Variants in ZC3H4 observed in about 807,000 individuals in gnomAD.
ZC3H4 encodes the protein zinc finger CCCH-type containing 4, also known as zinc finger CCCH domain-containing protein 4.
ZC3H4 carries 13 observed loss-of-function variants against 108.3 expected under a neutral mutation model. The observed-to-expected ratio is 0.12, with a 90% CI of 0.08 to 0.19. The LOEUF (loss-of-function observed/expected upper bound fraction) is 0.19, where lower values mean the gene tolerates loss of function less well. ZC3H4 is among the 10% of genes least tolerant of loss of function. The pLI is 1.00. For synonymous variants in ZC3H4, 917 were observed against 749.6 expected, an observed-to-expected ratio of 1.22 and a Z score of -3.65; for missense variants, 1,734 against 1,838.8, an observed-to-expected ratio of 0.94 and a Z score of 1.04.
Position 47,081,524 on chromosome 19 carries a change from G to A in ZC3H4, c.1429C>T (p.Leu477Phe). The change falls in exon 11 of 15, where the codon CTC (leucine) becomes TTC (phenylalanine). Residue 477 changes from leucine (L) to phenylalanine (F), a missense_variant. Leu to Phe is a conservative substitution (Grantham distance 22). Transcript: ENST00000253048. ...CCCCCGGACATTACCTTATCCAAGAGCTCCCTCGTCTCTTCGGTCAGAGGG... is the reference window on the plus strand; with the variant it reads ...CCCCCGGACATTACCTTATCCAAGAACTCCCTCGTCTCTTCGGTCAGAGGG... The part of the protein sequence containing the change: ...HDPLTEETRE[L>F]LDKMLADDAE... 1 of 1,614,156 alleles carries A rather than the reference G, an allele frequency of 6.2e-7. No homozygotes were observed. Among genetic ancestry groups the A allele is most frequent in the Non-Finnish European group, 8.5e-7 (1 of 1,179,992 alleles).
At chr19:47,094,309 G>A (rs1600088294) in intron 3 of ZC3H4, 80 bp downstream of exon 3, 3 of 1,501,724 alleles carry the variant, frequency 2.0e-6, no homozygotes, top group Non-Finnish European at 2.8e-6. Flanking sequence ...CTCTGGGGTG[G>A]ACAGCAAAAG....
At chr19:47,083,015 C>T (rs2057550973) in intron 9 of ZC3H4, among the ~76,000 whole-genome samples, 2 of 152,136 alleles carry the variant, frequency 1.3e-5, no homozygotes, top group Admixed American at 1.3e-4. Flanking sequence ...GATCTGTCCC[C>T]CTTTTACGAA....
intron 4 of ZC3H4, among the ~76,000 whole-genome samples, chr19:47,091,054 C>T (rs1348298281): frequency 6.6e-6 from 1 of 151,484 alleles, no homozygotes; most frequent in Admixed American, 6.6e-5. Flanking sequence ...ATCACAAGGT[C>T]AGGAGATGCA....
chr19:47,086,448 C>T lies in ZC3H4; in HGVS notation c.806G>A (p.Gly269Asp), dbSNP rs2057625183. 1 of 1,612,858 alleles carries T rather than the reference C, an allele frequency of 6.2e-7. No individual in the cohort carries two copies. Among genetic ancestry groups the T allele is most frequent in the Non-Finnish European group, 8.5e-7 (1 of 1,179,798 alleles). Residue 269 changes from glycine to aspartate, a missense_variant, in exon 6 of 15, where the codon GGC becomes GAC. Gly to Asp is a moderately conservative substitution (Grantham distance 94). Coordinates refer to ENST00000253048, the MANE Select transcript of ZC3H4 (RefSeq NM_015168.2). ...RGMGRGSRGR[G>D]RGSMGGDHPE... ...GTGGTCTCCTCCCATAGAGCCTCTG[C>T]CCCTGCCTCGGCTGCCCCTGCCCAT...
intron 5 of ZC3H4, 143 bp downstream of exon 5, chr19:47,089,824 A>T: frequency 1.2e-6 from 1 of 831,418 alleles, no homozygotes; most frequent in Non-Finnish European, 1.9e-6. Flanking sequence ...CTCCTGTGCC[A>T]TGCACATGCA....
intron 5 of ZC3H4, among the ~76,000 whole-genome samples, chr19:47,087,394 G>T (rs2057650124): frequency 6.6e-6 from 1 of 151,176 alleles, no homozygotes; most frequent in Non-Finnish European, 1.5e-5. Context: ...GTTGAAAACA[G>T]ATTATCAAAA....
intron 5 of ZC3H4, 113 bp downstream of exon 5, chr19:47,089,826 GCACATGCAGAGCCTGGCCCTTCTTTGTA>G: frequency 1.2e-6 from 1 of 839,638 alleles, no homozygotes; most frequent in Non-Finnish European, 1.9e-6. Context: ...CCTGTGCCAT[GCACATGCAGAGCCTGGCCCTTCTTTGTA>G]CACTTATCCC....
intron 2 of ZC3H4, among the ~76,000 whole-genome samples, chr19:47,105,107 G>A (rs1260915067): frequency 1.3e-5 from 2 of 152,114 alleles, no homozygotes; most frequent in South Asian, 2.1e-4. Context: ...CCTCTCGAGG[G>A]CCAACTTTAA....
intron 14 of ZC3H4, 145 bp downstream of exon 14, chr19:47,068,947 G>T: frequency 6.7e-7 from 1 of 1,502,962 alleles, no homozygotes; most frequent in Non-Finnish European, 8.8e-7. Context: ...AGCAGCCCCA[G>T]CCCGGCTTCA....
intron 2 of ZC3H4, among the ~76,000 whole-genome samples, chr19:47,109,793 C>G (rs2058014693): frequency 6.6e-6 from 1 of 152,138 alleles, no homozygotes; most frequent in Admixed American, 6.5e-5. Flanking sequence ...CCAGGGTTCT[C>G]TAAGTATGTC....
chr19:47,073,755 C>G (rs996826305), intron 11 of ZC3H4, among the ~76,000 whole-genome samples: 1 of 152,258 alleles, frequency 6.6e-6, no homozygotes, highest in Non-Finnish European at 1.5e-5. Context: ...TGCTTTCCGT[C>G]TCTGCGGACC....
rs546975609 is a variant in ZC3H4 at position 47,067,209 on chromosome 19, G to A, written c.3059C>T (p.Pro1020Leu). The A allele has an allele frequency of 1.1e-4, 184 of 1,609,530 alleles. 2 individuals carry two copies. In the South Asian group the frequency reaches 1.8e-3, roughly 16 times the overall value. ...GCCCGGGCGCTGCCGGGCGTTGGGGGGCCCTGCCGTGGCAGCGCGGTGCAG... is the reference window on the plus strand; with the variant it reads ...GCCCGGGCGCTGCCGGGCGTTGGGGAGCCCTGCCGTGGCAGCGCGGTGCAG... ...PRLHRAATAG[P>L]PNARQRPGAS... The change falls in exon 15 of 15, where the codon CCC becomes CTC. Residue 1020 changes from proline to leucine, a missense_variant. Coordinates refer to ENST00000253048, the MANE Select transcript of ZC3H4 (RefSeq NM_015168.2). This position sits in a 1 kb window ranked among gnomAD's most constrained non-coding sequence, Gnocchi z 6.4.
intron 14 of ZC3H4, among the ~76,000 whole-genome samples, chr19:47,068,407 T>A (rs959683966): frequency 1.8e-4 from 28 of 152,162 alleles, no homozygotes; most frequent in African/African-American, 6.8e-4. Context: ...GCTCGTGATG[T>A]CCCCATGTCC....
At chr19:47,110,668 C>T (rs1345251882) in intron 2 of ZC3H4, among the ~76,000 whole-genome samples, 1 of 152,208 alleles carries the variant, frequency 6.6e-6, no homozygotes, top group Non-Finnish European at 1.5e-5. Flanking sequence ...ACATACACTT[C>T]TGACATAAGA....
chr19:47,072,627 T>C lies in ZC3H4; in HGVS notation c.1527A>G (p.Lys509=), dbSNP rs369043667. The change falls in exon 12 of 15, where the codon AAA becomes AAG. Residue 509 remains lysine, a synonymous_variant. Transcript: ENST00000253048. The surrounding 1 kb of genome is among the most constrained non-coding windows in gnomAD (Gnocchi z 5.6). ...LKKQGINPLP[K]PPPGVGLLPT... ...GCAGGAGGCCCACACCAGGGGGCGG[T>C]TTGGGCAGGGGGTTGATGCCCTGCT... is the stretch of plus-strand genomic sequence containing the variant. The C allele has an allele frequency of 5.4e-5, 87 of 1,611,970 alleles. No homozygotes were observed. The highest frequency in any genetic ancestry group is 5.0e-4 in the Middle Eastern group (3 of 6,056).
intron 5 of ZC3H4, among the ~76,000 whole-genome samples, chr19:47,086,997 T>C (rs964138058): frequency 1.3e-5 from 2 of 149,924 alleles, no homozygotes; most frequent in African/African-American, 2.5e-5. Flanking sequence ...AAAAAGAGGC[T>C]GGGTGTGGTG....
At chr19:47,089,549 G>A (rs1453813222) in intron 5 of ZC3H4, among the ~76,000 whole-genome samples, 1 of 152,168 alleles carries the variant, frequency 6.6e-6, no homozygotes, top group African/African-American at 2.4e-5. Context: ...TCCTCCCAAA[G>A]GACACAGGTT....
intron 2 of ZC3H4, among the ~76,000 whole-genome samples, chr19:47,107,702 C>G (rs2057985182): frequency 6.6e-6 from 1 of 151,620 alleles, no homozygotes; most frequent in Non-Finnish European, 1.5e-5. Flanking sequence ...AATCTAGCAC[C>G]AACCAAGAGG....
intron 2 of ZC3H4, among the ~76,000 whole-genome samples, chr19:47,103,275 T>A (rs2057925779): frequency 6.6e-6 from 1 of 152,210 alleles, no homozygotes; most frequent in East Asian, 1.9e-4. Context: ...ATTTAACTTA[T>A]GAACTAAGAC....
Sources: allele counts gnomAD v4.1 joint callset (sites outside exome capture counted in the v4.1 genomes callset), GRCh38; gene constraint gnomAD v4.1.1; non-coding constraint Gnocchi (gnomAD v3.1); transcripts MANE v1.5; gene names NCBI Gene and HGNC (gene_info 2026-07-23, HGNC 2026-07-21).